Variants in PARP10 observed in about 807,000 individuals in gnomAD.
The protein encoded by PARP10 is protein mono-ADP-ribosyltransferase PARP10.
In PARP10, 56 loss-of-function variants were observed where a neutral mutation model predicts 82.4. The observed-to-expected ratio is 0.68, with a 90% CI of 0.55 to 0.85. The LOEUF (loss-of-function observed/expected upper bound fraction) is 0.85. Ranked by LOEUF, PARP10 falls within the 40% of genes least tolerant of loss-of-function variation. The pLI, the probability that PARP10 is intolerant of heterozygous loss-of-function variation, is 0.00. For synonymous variants in PARP10, 576 were observed against 601.1 expected (o/e 0.96, Z 0.61); for missense variants, 1,227 against 1,379.4 (o/e 0.89, Z 1.75).
In PARP10 at chr8:143,984,661, C is replaced by T. The variant is rs782416796; in HGVS notation, c.1341G>A (p.Val447=). 4.3e-6 allele frequency: 7 copies of T among 1,614,080 alleles called. No individual in the cohort carries two copies. Among genetic ancestry groups the T allele is most frequent in the Admixed American group, 3.3e-5 (2 of 60,018 alleles). ...GCATCGCCCCTGGCTCCATCAATAG[C>T]ACCATCTCCACCAGGCCCTCCTGCC... ...LAGQEGLVEM[V]LLMEPGAMRF... Residue 447 remains valine (V), a synonymous_variant, in exon 5 of 11, where the codon GTG becomes GTA. Transcript: ENST00000313028.
At position 143,977,732 on chromosome 8, in the gene PARP10, A is replaced by G. The variant is rs1554746586; in HGVS notation, c.2830T>C (p.Phe944Leu). ...TCGCCAGTCAGCACCCGTGCCACGAACACCGCCTTATGGCCATCGGCGTTG... is the reference window on the plus strand; with the variant it reads ...TCGCCAGTCAGCACCCGTGCCACGAGCACCGCCTTATGGCCATCGGCGTTG... ...PPNADGHKAV[F>L]VARVLTGDYG... Residue 944 changes from phenylalanine (F) to leucine (L), a missense_variant, in exon 11 of 11, where the codon TTC becomes CTC. Transcript: ENST00000313028. 22 of 1,601,350 alleles carry G rather than the reference A, an allele frequency of 1.4e-5. No individual in the cohort carries two copies. The highest frequency in any genetic ancestry group is 1.7e-5 in the Non-Finnish European group (20 of 1,174,882).
chr8:143,986,009 T>C, intron 2 of PARP10, 34 bp from the exon 3 acceptor site: 1 of 1,604,556 alleles, frequency 6.2e-7, no homozygotes, highest in Non-Finnish European at 8.5e-7. Flanking sequence ...TGTCAGGCAT[T>C]AGAATATCAG....
At chr8:143,988,753 C>G (rs1449361180), upstream of PARP10, 2 of 152,332 alleles carry the variant, frequency 1.3e-5, no homozygotes, top group African/African-American at 2.4e-5. Flanking sequence ...CAGGCGTAAG[C>G]CACCGCGCCC....
Position 144,011,132 on chromosome 8 carries a change from C to A in PARP10, c.-80+1398G>T, listed in dbSNP as rs1834278822. On this transcript the variant is annotated intron_variant, in intron 1 of 3. Coordinates refer to the PARP10 transcript ENST00000530478. This position sits in a 1 kb window ranked among gnomAD's most constrained non-coding sequence, Gnocchi z 4.5. ...CAAACACCTGGACACTATAGCCTCA[C>A]AAAATTGACACATAAAATGTAACCA... 6.6e-6 allele frequency among the ~76,000 whole-genome samples: 1 copy of A among 152,002 alleles called. No individual in the cohort carries two copies. Among genetic ancestry groups the A allele is most frequent in the African/African-American group, 2.4e-5 (1 of 41,388 alleles).
In PARP10 at chr8:143,981,552, A is replaced by G. The variant is rs201646971; in HGVS notation, c.2556+1380T>C. Among the ~76,000 whole-genome samples, 261 of 75,658 alleles carry G rather than the reference A, an allele frequency of 3.4e-3. 1 individual carries two copies. Among genetic ancestry groups the G allele is most frequent in the Non-Finnish European group, 4.7e-3 (185 of 39,430 alleles). 49.6% of individuals were successfully genotyped at this position (75,658 alleles called of 152,430 possible). ...ACAGTGAGTGGTGAAGGTGATGGTG[A>G]TGATGGTGGTGACGACAGTGAGTGG... On this transcript the variant is annotated intron_variant, in intron 9 of 10. Coordinates refer to ENST00000313028, the MANE Select transcript of PARP10 (RefSeq NM_032789.5).
intron 1 of PARP10, among the ~76,000 whole-genome samples, chr8:144,009,015 G>A (rs1554752242): frequency 6.6e-6 from 1 of 151,942 alleles, no homozygotes; most frequent in Non-Finnish European, 1.5e-5. Flanking sequence ...TGTGCACTGT[G>A]AGTCTAAGGA....
chr8:143,977,317 C>G lies in PARP10; in HGVS notation c.*167G>C. ...CAGGCTGGGACCTAGCCCGGCCCCC[C>G]TCGGCCGCTGCTGACCGCCATCCCC... On this transcript the variant is annotated 3_prime_UTR_variant, in exon 11 of 11. Transcript: ENST00000313028. 1.3e-6 allele frequency: 1 copy of G among 758,578 alleles called. No individual in the cohort carries two copies. Among genetic ancestry groups the G allele is most frequent in the South Asian group, 1.9e-5 (1 of 52,622 alleles). 47.0% of individuals were successfully genotyped at this position (758,578 alleles called of 1,614,324 possible).
chr8:143,984,969 G>T lies in PARP10; in HGVS notation c.1033C>A (p.Gln345Lys). ...LRTGPMGSLG[Q>K]AEQVSSMPMG... ...GGCATCGAGCTGACTTGCTCTGCCT[G>T]TCCCAGAGACCCCATGGGACCTGTC... The change falls in exon 5 of 11, where the codon CAG (glutamine) becomes AAG (lysine). Residue 345 changes from glutamine to lysine, a missense_variant. Gln to Lys is a moderately conservative substitution (Grantham distance 53). Transcript: ENST00000313028. 1 of 1,613,900 alleles carries T rather than the reference G, an allele frequency of 6.2e-7. No homozygotes were observed.
At chr8:143,999,099 C>T (rs928347377) in intron 1 of PARP10, among the ~76,000 whole-genome samples, 6 of 151,746 alleles carry the variant, frequency 4.0e-5, no homozygotes, top group African/African-American at 9.7e-5. Flanking sequence ...TGGAGTACAG[C>T]GGCACAGTCA....
chr8:143,977,756 T>TG lies in PARP10; in HGVS notation c.2805dup (p.Asn936GlnfsTer6), dbSNP rs1375069936. The TG allele has an allele frequency of 2.5e-6, 4 of 1,604,306 alleles. No homozygotes were observed. The highest frequency in any genetic ancestry group is 1.7e-4 in the Middle Eastern group (1 of 6,044). ...AACACCGCCTTATGGCCATCGGCGT[T>TG]GGGGGGCGAGTAGCGGTCCTGCACC... On this transcript the variant is annotated frameshift_variant, in exon 11 of 11. Coordinates refer to ENST00000313028, the MANE Select transcript of PARP10 (RefSeq NM_032789.5). LOFTEE classifies it low-confidence loss of function (END_TRUNC).
chr8:143,991,849 C>A, upstream of PARP10: 2 of 1,608,836 alleles, frequency 1.2e-6, no homozygotes, highest in Non-Finnish European at 1.7e-6. Context: ...TGGCTCCCAG[C>A]GGATGACTCT....
rs143047882 is a variant in PARP10, at chr8:143,982,563, G to A, written c.2556+369C>T. Among the ~76,000 whole-genome samples the A allele has an allele frequency of 6.6e-3, 1,001 of 152,346 alleles. 16 individuals are homozygous for A. The highest frequency in any genetic ancestry group is 0.029 in the Admixed American group (446 of 15,308). ...TGGAGGCAGAAGAGCGCCCAGAACA[G>A]CACAAGGGACGCATCTGTGGAGCGA... On this transcript the variant is annotated intron_variant, in intron 9 of 10. Transcript: ENST00000313028.
upstream of PARP10, chr8:143,992,638 G>A (rs1554750750): frequency 9.3e-6 from 15 of 1,613,892 alleles, no homozygotes; most frequent in South Asian, 3.3e-5. Context: ...GGCCGGGGGC[G>A]GGATGCTGGG....
At chr8:144,000,270 A>T (rs570779778) in intron 1 of PARP10, among the ~76,000 whole-genome samples, 1 of 152,322 alleles carries the variant, frequency 6.6e-6, no homozygotes, top group East Asian at 1.9e-4. Context: ...CCCTAATCCA[A>T]CATAGCTGAT....
chr8:144,005,217 A>T (rs1554752007), intron 1 of PARP10, among the ~76,000 whole-genome samples: 1 of 150,716 alleles, frequency 6.6e-6, no homozygotes. Flanking sequence ...GAGTAAGGAG[A>T]GCATCGGGGA....
Position 143,977,286 on chromosome 8 carries a change from T to G in PARP10, c.*198A>C. ...GCTCTGCTGACCCCTGGTGGTGGGGTCGGCCCAGGCTGGGACCTAGCCCGG... is the reference window on the plus strand; with the variant it reads ...GCTCTGCTGACCCCTGGTGGTGGGGGCGGCCCAGGCTGGGACCTAGCCCGG... On this transcript the variant is annotated 3_prime_UTR_variant, in exon 11 of 11. Transcript: ENST00000313028. The G allele has an allele frequency of 8.4e-6, 5 of 598,176 alleles. No individual in the cohort carries two copies. Among genetic ancestry groups the G allele is most frequent in the Non-Finnish European group, 1.1e-5 (4 of 351,452 alleles). 37.1% of individuals were successfully genotyped at this position (598,176 alleles called of 1,614,324 possible).
chr8:143,985,357 TG>T, intron 4 of PARP10, 29 bp from the exon 5 acceptor site: 1 of 1,593,070 alleles, frequency 6.3e-7, no homozygotes, highest in East Asian at 2.3e-5. Flanking sequence ...ACAGAAAGCC[TG>T]TCAGATTTCT....
At chr8:143,978,382 C>T (rs1833767264) in intron 9 of PARP10, among the ~76,000 whole-genome samples, 1 of 152,186 alleles carries the variant, frequency 6.6e-6, no homozygotes, top group Admixed American at 6.5e-5. Context: ...GGGCCCTATG[C>T]TGCCTACAGG....
At chr8:144,009,451 C>T (rs532532686) in intron 1 of PARP10, among the ~76,000 whole-genome samples, 6 of 152,172 alleles carry the variant, frequency 3.9e-5, no homozygotes, top group South Asian at 4.1e-4. Context: ...ATGTCCTCTG[C>T]GGCTTTGTCG....
Sources: gnomAD v4.1 joint callset for allele counts (sites outside exome capture counted in the v4.1 genomes callset) on GRCh38, gnomAD v4.1.1 for gene constraint, Gnocchi (gnomAD v3.1) non-coding constraint, MANE v1.5 for transcripts, NCBI Gene and HGNC (gene_info 2026-07-23, HGNC 2026-07-21) for gene names.